Variants in NCOR2 observed in about 807,000 individuals in gnomAD.
NCOR2 encodes the protein CTG repeat protein 26.
NCOR2 carries 81 observed loss-of-function variants against 262.9 expected under a neutral mutation model. The observed-to-expected ratio is 0.31, with a 90% confidence interval of 0.26 to 0.37. The LOEUF (loss-of-function observed/expected upper bound fraction) is 0.37, where lower values mean the gene tolerates loss of function less well. Among genes scored for constraint, NCOR2 ranks in the 10% least tolerant of loss-of-function variants. NCOR2 has a pLI of 1.00. For missense variants in NCOR2, 3,385 were observed against 3,621.4 expected (o/e 0.93, Z 1.68); for synonymous variants, 1,659 against 1,559.3 (o/e 1.06, Z -1.51).
At position 124,457,039 on chromosome 12, in the gene NCOR2, C is replaced by A; in HGVS notation, c.762+67G>T. On this transcript the variant is annotated intron_variant, in intron 6 of 46. Transcript: ENST00000405201. The surrounding 1 kb of genome is among the most constrained non-coding windows in gnomAD (Gnocchi z 4.0). ...CTTCCTCCTCCGCCGCACCCTCCCGCCTCCCTGCCCACCTCTCCAGCCACC... is the reference window on the plus strand; with the variant it reads ...CTTCCTCCTCCGCCGCACCCTCCCGACTCCCTGCCCACCTCTCCAGCCACC... 1 of 997,402 alleles carries A rather than the reference C, an allele frequency of 1.0e-6. No homozygotes were observed. Among genetic ancestry groups the A allele is most frequent in the South Asian group, 1.7e-5 (1 of 59,506 alleles). 61.8% of individuals were successfully genotyped at this position (997,402 alleles called of 1,614,324 possible).
chr12:124,371,480 CAGA>C (rs945787450), intron 20 of NCOR2, among the ~76,000 whole-genome samples: 3 of 152,208 alleles, frequency 2.0e-5, no homozygotes, highest in African/African-American at 7.2e-5. Context: ...CTGGTGTCCT[CAGA>C]AGAAGAAAGT....
At chr12:124,505,450 AC>A (rs2048992899) in intron 1 of NCOR2, among the ~76,000 whole-genome samples, 1 of 151,642 alleles carries the variant, frequency 6.6e-6, no homozygotes, top group African/African-American at 2.4e-5. Context: ...TGTGGGCTGC[AC>A]CTGTAGGAGC....
chr12:124,488,857 T>C (rs2047920814), intron 1 of NCOR2, among the ~76,000 whole-genome samples: 1 of 151,958 alleles, frequency 6.6e-6, no homozygotes, highest in South Asian at 2.1e-4. Flanking sequence ...CAGCCAACCA[T>C]GGTGGAGGAG....
chr12:124,504,637 T>C lies in NCOR2; in HGVS notation c.-117-9269A>G, dbSNP rs1471124653. Among the ~76,000 whole-genome samples, 1 of 152,228 alleles carries C rather than the reference T, an allele frequency of 6.6e-6. No homozygotes were observed. Among genetic ancestry groups the C allele is most frequent in the East Asian group, 1.9e-4 (1 of 5,208 alleles). On this transcript the variant is annotated intron_variant, in intron 1 of 46. Coordinates refer to the NCOR2 transcript ENST00000404621. The surrounding 1 kb of genome is among the most constrained non-coding windows in gnomAD (Gnocchi z 4.5). ...AGCCAACAAGCAGAAACAACCCAAA[T>C]GTCCATCTACTGACAAACAGATGAA...
chr12:124,409,910 C>T (rs1162176933), intron 13 of NCOR2, among the ~76,000 whole-genome samples: 2 of 151,998 alleles, frequency 1.3e-5, no homozygotes, highest in Non-Finnish European at 2.9e-5. Flanking sequence ...AACTCCTGGG[C>T]TCAAGCGATC....
chr12:124,400,384 C>A, intron 15 of NCOR2, 117 bp downstream of exon 17: 1 of 1,406,592 alleles, frequency 7.1e-7, no homozygotes, highest in Non-Finnish European at 9.7e-7. Flanking sequence ...CCAACCATGA[C>A]TTACACCAAC....
chr12:124,501,421 G>A (rs539436823), intron 1 of NCOR2, among the ~76,000 whole-genome samples: 99 of 152,164 alleles, frequency 6.5e-4, no homozygotes, highest in African/African-American at 2.4e-3. Context: ...CAACAGAAAT[G>A]GATTGTCTCA....
chr12:124,433,869 C>CACACACACACACACACAA (rs2044147015), intron 8 of NCOR2, among the ~76,000 whole-genome samples: 7 of 50,450 alleles, frequency 1.4e-4, no homozygotes, highest in South Asian at 7.7e-4. Flanking sequence ...CACACACACA[C>CACACACACACACACACAA]ACACACACAC....
intron 32 of NCOR2, among the ~76,000 whole-genome samples, chr12:124,344,239 C>T (rs1225524186): frequency 1.3e-5 from 2 of 152,216 alleles, no homozygotes; most frequent in East Asian, 1.9e-4. Flanking sequence ...CAGGCAGGCG[C>T]CCCAAGGCCA....
At chr12:124,429,487 C>A (rs1000090795) in intron 10 of NCOR2, 126 bp downstream of exon 12, 8 of 978,434 alleles carry the variant, frequency 8.2e-6, no homozygotes, top group Admixed American at 6.5e-5. Context: ...TGATTCCACC[C>A]GCGCTTCGGT....
chr12:124,366,924 G>A (rs925702027), intron 20 of NCOR2, among the ~76,000 whole-genome samples: 12 of 152,094 alleles, frequency 7.9e-5, no homozygotes, highest in African/African-American at 2.9e-4. Context: ...TAAAGGGTTC[G>A]ACGTATCAGC....
upstream of NCOR2, among the ~76,000 whole-genome samples, chr12:124,539,844 C>T (rs189082270): frequency 6.6e-6 from 1 of 152,260 alleles, no homozygotes; most frequent in Non-Finnish European, 1.5e-5. This position sits in a 1 kb window ranked among gnomAD's most constrained non-coding sequence, Gnocchi z 5.1. Context: ...CCAGGAAGCC[C>T]GCCTGGCTCA....
At chr12:124,442,128 A>G (rs984079632) in intron 7 of NCOR2, among the ~76,000 whole-genome samples, 1 of 151,990 alleles carries the variant, frequency 6.6e-6, no homozygotes, top group Non-Finnish European at 1.5e-5. Context: ...CTTTCTTAGT[A>G]TTTTGTTTTG....
rs2048928236 is a variant in NCOR2, at chr12:124,504,226, A to G, written c.-117-8858T>C. On this transcript the variant is annotated intron_variant, in intron 1 of 46. Coordinates refer to the NCOR2 transcript ENST00000404621. This position sits in a 1 kb window ranked among gnomAD's most constrained non-coding sequence, Gnocchi z 4.5. Reference sequence around the variant, plus strand: ...CCCCGGGTAGATGTACAGGGTAGAGATACGTGGGCCAGGTTAAAGCCAGAA... The same window carrying G: ...CCCCGGGTAGATGTACAGGGTAGAGGTACGTGGGCCAGGTTAAAGCCAGAA... 6.6e-6 allele frequency among the ~76,000 whole-genome samples: 1 copy of G among 152,164 alleles called. No individual in the cohort carries two copies. The highest frequency in any genetic ancestry group is 2.4e-5 in the African/African-American group (1 of 41,428).
intron 3 of NCOR2, among the ~76,000 whole-genome samples, chr12:124,475,977 C>T (rs2136721440): frequency 6.6e-6 from 1 of 152,312 alleles, no homozygotes; most frequent in South Asian, 2.1e-4. Context: ...ACCCAGAGTG[C>T]AGGACCTCCA....
intron 16 of NCOR2, among the ~76,000 whole-genome samples, chr12:124,390,850 G>A (rs1196891183): frequency 1.3e-5 from 2 of 152,254 alleles, no homozygotes; most frequent in East Asian, 1.9e-4. Flanking sequence ...GAAGAGTCAG[G>A]AGGCAGGAAC....
intron 28 of NCOR2, among the ~76,000 whole-genome samples, chr12:124,350,386 A>G (rs2037348588): frequency 6.6e-6 from 1 of 152,204 alleles, no homozygotes; most frequent in Admixed American, 6.5e-5. Context: ...TCTAAACTGT[A>G]AAGAACTGGG....
chr12:124,398,749 T>C (rs1008618489), intron 15 of NCOR2, among the ~76,000 whole-genome samples: 1 of 152,224 alleles, frequency 6.6e-6, no homozygotes, highest in Non-Finnish European at 1.5e-5. Flanking sequence ...ATCAAAACTG[T>C]TCACAGACAC....
intron 5 of NCOR2, among the ~76,000 whole-genome samples, chr12:124,462,993 A>G (rs924142674): frequency 2.0e-5 from 3 of 152,134 alleles, no homozygotes; most frequent in African/African-American, 4.8e-5. Context: ...TGAATGAGCC[A>G]TCTACATCTC....
Sources: gnomAD v4.1 joint callset for allele counts (sites outside exome capture counted in the v4.1 genomes callset) on GRCh38, gnomAD v4.1.1 for gene constraint, Gnocchi (gnomAD v3.1) non-coding constraint, MANE v1.5 for transcripts, NCBI Gene and HGNC (gene_info 2026-07-23, HGNC 2026-07-21) for gene names.